Variants in ST7 observed in about 807,000 individuals in gnomAD.
ST7 encodes the protein suppression of tumorigenicity 7.
ST7 carries 28 observed loss-of-function variants against 78.7 expected under a neutral mutation model. The observed-to-expected ratio is 0.36, with a 90% CI of 0.26 to 0.49. The LOEUF is 0.49. ST7 is among the 20% of genes least tolerant of loss of function. ST7 has a pLI of 0.99. For missense variants in ST7, 418 were observed against 696.0 expected, an observed-to-expected ratio of 0.60 and a Z score of 4.49; for synonymous variants, 247 against 249.6, an observed-to-expected ratio of 0.99 and a Z score of 0.10.
At chr7:116,963,861 G>C (rs1399457547) in intron 1 of ST7, among the ~76,000 whole-genome samples, 1 of 151,996 alleles carries the variant, frequency 6.6e-6, no homozygotes, top group African/African-American at 2.4e-5. Context: ...TCAAACTCCT[G>C]ACTTCGTGAT....
intron 1 of ST7, among the ~76,000 whole-genome samples, chr7:117,002,025 A>T (rs1794956274): frequency 6.6e-6 from 1 of 152,090 alleles, no homozygotes; most frequent in Admixed American, 6.5e-5. Flanking sequence ...AGAGATCAAG[A>T]CCATCCTGGC....
chr7:117,015,439 G>A (rs1301333531), intron 1 of ST7, among the ~76,000 whole-genome samples: 1 of 152,202 alleles, frequency 6.6e-6, no homozygotes, highest in Non-Finnish European at 1.5e-5. Context: ...TTTAGATGGT[G>A]TTAATGTAAT....
intron 1 of ST7, among the ~76,000 whole-genome samples, chr7:117,063,819 A>G (rs1400322459): frequency 6.6e-6 from 1 of 152,240 alleles, no homozygotes; most frequent in Non-Finnish European, 1.5e-5. Flanking sequence ...TTTTAAAAAC[A>G]TACACTAACA....
intron 1 of ST7, chr7:116,967,243 G>C (rs1183706252): frequency 2.1e-6 from 1 of 470,006 alleles, no homozygotes; most frequent in Non-Finnish European, 4.4e-6. Flanking sequence ...TTCTGAGCCT[G>C]TTCTGGAAGA....
intron 1 of ST7, among the ~76,000 whole-genome samples, chr7:117,005,897 T>G (rs565401615): frequency 6.6e-6 from 1 of 152,182 alleles, no homozygotes; most frequent in Non-Finnish European, 1.5e-5. Flanking sequence ...AATACGTAGA[T>G]CATAAATAGA....
intron 1 of ST7, among the ~76,000 whole-genome samples, chr7:116,989,580 T>A (rs1268039221): frequency 6.6e-6 from 1 of 152,132 alleles, no homozygotes; most frequent in Non-Finnish European, 1.5e-5. Flanking sequence ...CAAATGAGGC[T>A]GTAATCCCAG....
rs756360232 is a variant in ST7 at position 116,977,842 on chromosome 7, C to T, written c.151+24151C>T. On this transcript the variant is annotated intron_variant, in intron 1 of 15. Transcript: ENST00000323984. ...TTCTGGGATTACAGGCGTGAGCCAC[C>T]GCGCCCGGCCGAGTGGTGGTATTTT... Among the ~76,000 whole-genome samples the T allele has an allele frequency of 1.5e-3, 230 of 152,288 alleles. 1 individual carries two copies. The highest frequency in any genetic ancestry group is 6.8e-3 in the Middle Eastern group (2 of 294).
chr7:117,214,489 T>A (rs930724018), intron 13 of ST7, among the ~76,000 whole-genome samples: 8 of 152,212 alleles, frequency 5.3e-5, no homozygotes, highest in Non-Finnish European at 8.8e-5. Flanking sequence ...TTAGGGCATT[T>A]CCTCTAACCA....
intron 12 of ST7, among the ~76,000 whole-genome samples, chr7:117,202,948 A>T (rs1233224171): frequency 6.6e-6 from 1 of 152,190 alleles, no homozygotes; most frequent in Non-Finnish European, 1.5e-5. Context: ...CAAGTCCCCC[A>T]GTGGGCCCTG....
chr7:117,033,021 A>G (rs1481944301), intron 1 of ST7, among the ~76,000 whole-genome samples: 1 of 152,186 alleles, frequency 6.6e-6, no homozygotes, highest in Middle Eastern at 3.2e-3. Flanking sequence ...CTTATCTGTT[A>G]GCTTCAGTTT....
At chr7:116,958,552 G>A (rs1367062777) in intron 1 of ST7, 8 of 468,468 alleles carry the variant, frequency 1.7e-5, no homozygotes, top group South Asian at 1.2e-4. Flanking sequence ...TGTCTAAAAT[G>A]TTCTTCCCTA....
intron 1 of ST7, among the ~76,000 whole-genome samples, chr7:117,088,507 A>C (rs1800331158): frequency 6.6e-6 from 1 of 152,190 alleles, no homozygotes; most frequent in Non-Finnish European, 1.5e-5. Context: ...CATGCATTTT[A>C]GATTTAACAA....
chr7:117,000,102 C>A lies in ST7; in HGVS notation c.151+46411C>A, dbSNP rs118146070. The stretch of plus-strand genomic sequence containing the variant: ...CTGGGATTACAGGCGTGAGCCACTG[C>A]GCCCAGCCTAGAATTTTCTTTTAAA... On this transcript the variant is annotated intron_variant, in intron 1 of 15. Coordinates refer to ENST00000323984, the MANE Select transcript of ST7 (RefSeq NM_001369598.1). 6.3e-3 allele frequency among the ~76,000 whole-genome samples: 964 copies of A among 152,270 alleles called. 7 individuals are homozygous for A. Among genetic ancestry groups the A allele is most frequent in the Admixed American group, 0.013 (193 of 15,278 alleles).
At chr7:117,037,738 G>A (rs1796969583) in intron 1 of ST7, among the ~76,000 whole-genome samples, 1 of 152,142 alleles carries the variant, frequency 6.6e-6, no homozygotes, top group Non-Finnish European at 1.5e-5. Flanking sequence ...CTTGAATTTT[G>A]TGAAATTATT....
At chr7:117,068,226 T>G (rs1343779729) in intron 1 of ST7, among the ~76,000 whole-genome samples, 1 of 152,158 alleles carries the variant, frequency 6.6e-6, no homozygotes, top group Non-Finnish European at 1.5e-5. Context: ...ATCATATATT[T>G]TTCTTTTTTT....
At chr7:117,096,038 A>G (rs1801005539) in intron 1 of ST7, among the ~76,000 whole-genome samples, 2 of 131,820 alleles carry the variant, frequency 1.5e-5, no homozygotes, top group Non-Finnish European at 3.1e-5. Context: ...ACTGCACTCC[A>G]GCCTGGGCAA....
chr7:117,060,094 A>G (rs1798273000), intron 1 of ST7, among the ~76,000 whole-genome samples: 1 of 152,174 alleles, frequency 6.6e-6, no homozygotes, highest in Admixed American at 6.5e-5. Context: ...AGCTTTTAAA[A>G]TTTTGTTCTG....
intron 1 of ST7, among the ~76,000 whole-genome samples, chr7:116,961,555 C>CATGTGTGTGTGT (rs1491533189): frequency 1.4e-5 from 2 of 138,432 alleles, no homozygotes; most frequent in South Asian, 5.0e-4. Flanking sequence ...TGTATTCCTA[C>CATGTGTGTGTGT]GTGTGTGTGT....
chr7:117,094,312 C>G (rs374800631), intron 1 of ST7, among the ~76,000 whole-genome samples: 18 of 152,354 alleles, frequency 1.2e-4, no homozygotes, highest in African/African-American at 4.3e-4. Flanking sequence ...CGCTCTACCC[C>G]TCACTGTTCC....
Sources: allele counts gnomAD v4.1 joint callset (sites outside exome capture counted in the v4.1 genomes callset), GRCh38; gene constraint gnomAD v4.1.1; transcripts MANE v1.5; gene names NCBI Gene and HGNC (gene_info 2026-07-23, HGNC 2026-07-21).